PCGF3: variants seen among roughly 807,000 people sequenced by gnomAD.
PCGF3 encodes the protein polycomb group ring finger 3, also known as polycomb group RING finger protein 3.
In PCGF3, 7 loss-of-function variants were observed where a neutral mutation model predicts 33.1. The ratio of observed to expected loss-of-function variants is 0.21; its 90% CI spans 0.12 to 0.40. The LOEUF (loss-of-function observed/expected upper bound fraction) is 0.40, where lower values mean the gene tolerates loss of function less well. PCGF3 is among the 10% of genes least tolerant of loss of function. PCGF3 has a pLI of 1.00. For missense variants in PCGF3, 211 were observed against 313.3 expected, an observed-to-expected ratio of 0.67 and a Z score of 2.46; for synonymous variants, 153 against 121.3, an observed-to-expected ratio of 1.26 and a Z score of -1.72.
chr4:742,325 T>C (rs867618221), intron 6 of PCGF3, among the ~76,000 whole-genome samples: 5 of 151,982 alleles, frequency 3.3e-5, no homozygotes, highest in South Asian at 2.1e-4. Context: ...CCCTGCACGG[T>C]TGGTGTTTGT....
At chr4:761,763 C>G in intron 9 of PCGF3, 1 of 985,418 alleles carries the variant, frequency 1.0e-6, no homozygotes, top group Non-Finnish European at 1.2e-6. Flanking sequence ...AGGGAGGACC[C>G]TTCCAGGCTG....
At chr4:754,033 G>A (rs1744655085) in intron 8 of PCGF3, among the ~76,000 whole-genome samples, 1 of 152,202 alleles carries the variant, frequency 6.6e-6, no homozygotes, top group Non-Finnish European at 1.5e-5. Flanking sequence ...GTCTTTGGTG[G>A]TCCTGGCACC....
chr4:716,325 C>T (rs1320446537), intron 1 of PCGF3, among the ~76,000 whole-genome samples: 2 of 119,496 alleles, frequency 1.7e-5, no homozygotes, highest in Non-Finnish European at 3.4e-5. Context: ...ACCCTGTGGA[C>T]ACTGCGAGTG....
At chr4:744,346 G>T (rs1022900445) in intron 7 of PCGF3, among the ~76,000 whole-genome samples, 1 of 152,202 alleles carries the variant, frequency 6.6e-6, no homozygotes, top group African/African-American at 2.4e-5. Flanking sequence ...GTCCCACGCC[G>T]GCTCCGGCTG....
intron 1 of PCGF3, among the ~76,000 whole-genome samples, chr4:724,687 A>G (rs1743252083): frequency 6.6e-6 from 1 of 152,104 alleles, no homozygotes; most frequent in African/African-American, 2.4e-5. Context: ...TTAGCTGGGT[A>G]CTCAGGAGGC....
At position 720,633 on chromosome 4, in the gene PCGF3, G is replaced by T. The variant is rs972225686; in HGVS notation, c.-189-9997G>T. Among the ~76,000 whole-genome samples, 1 of 150,450 alleles carries T rather than the reference G, an allele frequency of 6.6e-6. No homozygotes were observed. The highest frequency in any genetic ancestry group is 1.5e-5 in the Non-Finnish European group (1 of 67,564). On this transcript the variant is annotated intron_variant, in intron 1 of 10. Coordinates refer to ENST00000362003, the Ensembl canonical transcript of PCGF3. This position sits in a 1 kb window ranked among gnomAD's most constrained non-coding sequence, Gnocchi z 5.6. Reference sequence around the variant, plus strand: ...CCGGGGTGGACGGGCGGTGACGTGCGTGTGGACCCGGGGTGGACGGGCGGT... The same window carrying T: ...CCGGGGTGGACGGGCGGTGACGTGCTTGTGGACCCGGGGTGGACGGGCGGT...
chr4:764,995 A>G, exon 10 of PCGF3: 1 of 1,613,754 alleles, frequency 6.2e-7, no homozygotes, highest in Non-Finnish European at 8.5e-7. Context: ...TGGACATTTT[A>G]TGCAACGAGG....
At chr4:717,840 G>T (rs1248367369) in intron 1 of PCGF3, among the ~76,000 whole-genome samples, 1 of 152,274 alleles carries the variant, frequency 6.6e-6, no homozygotes, top group African/African-American at 2.4e-5. Flanking sequence ...GGCAGGGGCA[G>T]AGGGAGAGGC....
At chr4:768,092 C>T (rs185076832) in exon 11 of PCGF3, 52 of 152,780 alleles carry the variant, frequency 3.4e-4, no homozygotes, top group African/African-American at 1.1e-3. Flanking sequence ...TCTTTGAAAT[C>T]ACTTGACTTT....
At chr4:714,060 G>A (rs1742698650) in intron 1 of PCGF3, among the ~76,000 whole-genome samples, 1 of 152,120 alleles carries the variant, frequency 6.6e-6, no homozygotes, top group African/African-American at 2.4e-5. Flanking sequence ...GTCAGTGTCA[G>A]GCGTGGGGCC....
chr4:740,590 T>C (rs1174675306), intron 6 of PCGF3, among the ~76,000 whole-genome samples: 2 of 152,176 alleles, frequency 1.3e-5, no homozygotes, highest in Non-Finnish European at 2.9e-5. Context: ...CTGTCACCTC[T>C]TGCTTTAGAA....
At chr4:753,931 C>T (rs969831081) in intron 8 of PCGF3, among the ~76,000 whole-genome samples, 2 of 152,230 alleles carry the variant, frequency 1.3e-5, no homozygotes, top group Non-Finnish European at 2.9e-5. Flanking sequence ...GAGACTCTGA[C>T]CTTCTACGAA....
intron 1 of PCGF3, chr4:722,333 C>T: frequency 5.4e-6 from 1 of 186,472 alleles, no homozygotes. Context: ...AGGCGCGACT[C>T]AGAACAGCAG....
rs567906946 is a variant in PCGF3, at chr4:719,174, C to T, written c.-189-11456C>T. Among the ~76,000 whole-genome samples the T allele has an allele frequency of 2.8e-4, 42 of 152,194 alleles. No individual in the cohort carries two copies. In the South Asian group the frequency reaches 4.8e-3, roughly 17 times the overall value. On this transcript the variant is annotated intron_variant, in intron 1 of 10. Coordinates refer to ENST00000362003, the Ensembl canonical transcript of PCGF3. ...TTCACCATGTTGGTCAGGCTGGTGT[C>T]GAACTCCTGACCTTGTGATCTGCCT...
At chr4:711,269 G>T (rs552763472) in intron 1 of PCGF3, among the ~76,000 whole-genome samples, 3 of 152,196 alleles carry the variant, frequency 2.0e-5, no homozygotes, top group African/African-American at 7.2e-5. Context: ...TGCAGGGTGC[G>T]GCAGGGGCCC....
intron 1 of PCGF3, among the ~76,000 whole-genome samples, chr4:714,011 T>C (rs1742695954): frequency 6.6e-6 from 1 of 152,220 alleles, no homozygotes; most frequent in Non-Finnish European, 1.5e-5. Context: ...CGAACGTCTG[T>C]GTCCCCCAGA....
In PCGF3 at chr4:767,392, G is replaced by A. The variant is rs568615418; in HGVS notation, c.*1313G>A. 6 of 152,284 alleles carry A rather than the reference G, an allele frequency of 3.9e-5. No homozygotes were observed. In the East Asian group the frequency reaches 9.6e-4, roughly 24 times the overall value. The allele number at this position is 152,284 out of a possible 1,614,324, so 9.4% of individuals were successfully genotyped here. On this transcript the variant is annotated 3_prime_UTR_variant, in exon 11 of 11. Coordinates refer to ENST00000362003, the Ensembl canonical transcript of PCGF3. The stretch of plus-strand genomic sequence containing the variant: ...AGGAGCAAGGGCTGTTTTCTGGAGT[G>A]GTTGAGGTGTTGTCCTGCAGTTGTC...
At chr4:764,256 C>CA (rs531961520) in intron 9 of PCGF3, among the ~76,000 whole-genome samples, 133 of 152,312 alleles carry the variant, frequency 8.7e-4, no homozygotes, top group African/African-American at 3.2e-3. Context: ...ACCTTCCTCT[C>CA]AATTTTGCTG....
At chr4:707,655 C>T (rs201873296) in intron 1 of PCGF3, among the ~76,000 whole-genome samples, 1 of 101,962 alleles carries the variant, frequency 9.8e-6, no homozygotes, top group Admixed American at 9.4e-5. Context: ...CCCTGTTTTC[C>T]CCTGGGGGTC....
Sources: allele counts gnomAD v4.1 joint callset (sites outside exome capture counted in the v4.1 genomes callset), GRCh38; gene constraint gnomAD v4.1.1; non-coding constraint Gnocchi (gnomAD v3.1); transcripts MANE v1.5; gene names NCBI Gene and HGNC (gene_info 2026-07-23, HGNC 2026-07-21).